The following NADK2 variants were observed in gnomAD, a reference collection of about 807,000 sequenced individuals.
NADK2 encodes the protein NAD kinase domain-containing protein 1, mitochondrial.
A neutral mutation model predicts 62.1 loss-of-function variants in NADK2; 35 were observed. The ratio of observed to expected loss-of-function variants is 0.56; its 90% CI spans 0.43 to 0.75. NADK2 has a LOEUF of 0.75. NADK2 is among the 30% of genes least tolerant of loss of function. The probability of loss-of-function intolerance (pLI) is 0.00; values close to 1 mark genes in which losing one functional copy is unlikely to be tolerated. For synonymous variants in NADK2, 205 were observed against 207.9 expected, an observed-to-expected ratio of 0.99 and a Z score of 0.12; for missense variants, 439 against 561.3, an observed-to-expected ratio of 0.78 and a Z score of 2.20.
chr5:36,203,281 A>G (rs934616773), intron 8 of NADK2, among the ~76,000 whole-genome samples: 1 of 152,124 alleles, frequency 6.6e-6, no homozygotes, highest in Non-Finnish European at 1.5e-5. Context: ...GTGCTCAGAG[A>G]TAGTAGTATG....
intron 2 of NADK2, among the ~76,000 whole-genome samples, chr5:36,227,268 T>C (rs1048338068): frequency 2.6e-5 from 4 of 152,176 alleles, no homozygotes; most frequent in African/African-American, 9.6e-5. Flanking sequence ...GACCAAATAA[T>C]TGAAAACACC....
intron 7 of NADK2, chr5:36,208,795 A>G (rs1329205009): frequency 4.0e-6 from 3 of 741,178 alleles, no homozygotes; most frequent in East Asian, 2.7e-5. Context: ...GCTGCACTTC[A>G]TATTTTCCAA....
chr5:36,227,816 T>C (rs894030911), intron 1 of NADK2, among the ~76,000 whole-genome samples: 14 of 151,924 alleles, frequency 9.2e-5, no homozygotes, highest in African/African-American at 3.4e-4. Flanking sequence ...ATCTTATGTT[T>C]TACAGCTTAA....
At chr5:36,234,209 C>G (rs965718759) in intron 1 of NADK2, among the ~76,000 whole-genome samples, 43 of 151,248 alleles carry the variant, frequency 2.8e-4, no homozygotes, top group Middle Eastern at 6.8e-3. Context: ...CCCGTCTCTA[C>G]TAAAAATACA....
chr5:36,214,722 T>C (rs1026512009), intron 6 of NADK2, among the ~76,000 whole-genome samples: 4 of 152,194 alleles, frequency 2.6e-5, no homozygotes, highest in African/African-American at 9.6e-5. Context: ...TAAGATCTTC[T>C]ATGTTCTCTG....
chr5:36,239,260 C>A (rs1275260637), intron 1 of NADK2, among the ~76,000 whole-genome samples: 1 of 152,152 alleles, frequency 6.6e-6, no homozygotes, highest in East Asian at 1.9e-4. Flanking sequence ...TACAGAATCC[C>A]ATTTTAGGAC....
At chr5:36,221,174 T>C (rs1355728875) in intron 4 of NADK2, 1 of 152,222 alleles carries the variant, frequency 6.6e-6, no homozygotes, top group Non-Finnish European at 1.5e-5. Context: ...CTTTCAAATG[T>C]TGTAATTATT....
Position 36,238,321 on chromosome 5 carries a change from G to A in NADK2, c.300+3178C>T, listed in dbSNP as rs113959755. Among the ~76,000 whole-genome samples, 252 of 152,156 alleles carry A rather than the reference G, an allele frequency of 1.7e-3. 1 individual carries two copies. Among genetic ancestry groups the A allele is most frequent in the African/African-American group, 5.0e-3 (209 of 41,518 alleles). The stretch of plus-strand genomic sequence containing the variant: ...GTCATCTAGTTTAATCCAATAACAC[G>A]GCAGACTGTTAAATGAAATTATTCT... On this transcript the variant is annotated intron_variant, in intron 1 of 11. Coordinates refer to ENST00000381937, the MANE Select transcript of NADK2 (RefSeq NM_001085411.3).
At chr5:36,202,116 T>C (rs929103765) in intron 8 of NADK2, among the ~76,000 whole-genome samples, 3 of 152,064 alleles carry the variant, frequency 2.0e-5, no homozygotes, top group African/African-American at 4.8e-5. Flanking sequence ...GATACTCTTA[T>C]ACCTGCTAAC....
intron 1 of NADK2, among the ~76,000 whole-genome samples, chr5:36,234,823 C>T (rs1747843417): frequency 1.3e-5 from 2 of 152,164 alleles, no homozygotes; most frequent in African/African-American, 2.4e-5. Context: ...AAAAAGATCA[C>T]TGAAAATCTA....
chr5:36,235,043 C>T lies in NADK2; in HGVS notation c.300+6456G>A, dbSNP rs545220141. Among the ~76,000 whole-genome samples, 15 of 152,278 alleles carry T rather than the reference C, an allele frequency of 9.9e-5. No homozygotes were observed. The South Asian group carries it at 2.9e-3, about 29-fold the overall frequency. The stretch of plus-strand genomic sequence containing the variant: ...TAGCAGTTAGCAGGGGCTCAAAAAA[C>T]GGTTTTGTGAACAAATATTTAAAAG... On this transcript the variant is annotated intron_variant, in intron 1 of 11. Transcript: ENST00000381937.
chr5:36,219,555 A>G (rs1426770044), intron 5 of NADK2, 41 bp downstream of exon 5: 1 of 1,533,576 alleles, frequency 6.5e-7, no homozygotes, highest in Admixed American at 1.7e-5. Context: ...GCACATACTT[A>G]TTAAGATACT....
At chr5:36,231,004 C>A (rs1482897576) in intron 1 of NADK2, among the ~76,000 whole-genome samples, 2 of 152,214 alleles carry the variant, frequency 1.3e-5, no homozygotes, top group Non-Finnish European at 2.9e-5. Context: ...CCTCATACTT[C>A]AATTCCCTAT....
chr5:36,205,864 T>C lies in NADK2; in HGVS notation c.956+1306A>G, dbSNP rs1036491451. Among the ~76,000 whole-genome samples, 1 of 152,122 alleles carries C rather than the reference T, an allele frequency of 6.6e-6. No homozygotes were observed. Among genetic ancestry groups the C allele is most frequent in the Non-Finnish European group, 1.5e-5 (1 of 68,040 alleles). ...CACATGTATATTTATTGTGGCACTA[T>C]TCACAATAGCAAAGACTTGGAACCA... On this transcript the variant is annotated intron_variant, in intron 8 of 11. Transcript: ENST00000381937. This position sits in a 1 kb window ranked among gnomAD's most constrained non-coding sequence, Gnocchi z 4.1.
At position 36,193,216 on chromosome 5, in the gene NADK2, T is replaced by G. The variant is rs552961860; in HGVS notation, c.*1928A>C. ...TTTTAAGGCCGGGCATGGTGGCTCA[T>G]GCCTGTAATCCCAATACTGGGAGGC... is the stretch of plus-strand genomic sequence containing the variant. On this transcript the variant is annotated 3_prime_UTR_variant, in exon 12 of 12. Coordinates refer to ENST00000381937, the MANE Select transcript of NADK2 (RefSeq NM_001085411.3). The G allele has an allele frequency of 1.3e-5, 2 of 152,190 alleles. No individual in the cohort carries two copies. Among genetic ancestry groups the G allele is most frequent in the Non-Finnish European group, 2.9e-5 (2 of 68,046 alleles). The allele number at this position is 152,190 out of a possible 1,614,324, so 9.4% of individuals were successfully genotyped here.
intron 4 of NADK2, 57 bp from the exon 5 acceptor site, chr5:36,219,736 CA>C (rs1418021359): frequency 6.7e-6 from 9 of 1,344,060 alleles, no homozygotes; most frequent in South Asian, 1.2e-5. Context: ...AAAGGTGAAG[CA>C]AAAAAATTTA....
At chr5:36,233,928 C>T (rs888193029) in intron 1 of NADK2, among the ~76,000 whole-genome samples, 4 of 152,080 alleles carry the variant, frequency 2.6e-5, no homozygotes, top group African/African-American at 9.7e-5. Flanking sequence ...TTCATATTAG[C>T]AAAAATGTTA....
At position 36,194,667 on chromosome 5, in the gene NADK2, T is replaced by A. The variant is rs1269698656; in HGVS notation, c.*477A>T. 6.6e-6 allele frequency: 1 copy of A among 152,180 alleles called. No individual in the cohort carries two copies. Among genetic ancestry groups the A allele is most frequent in the Non-Finnish European group, 1.5e-5 (1 of 68,162 alleles). The allele number at this position is 152,180 out of a possible 1,614,324, so 9.4% of individuals were successfully genotyped here. ...TTTACCTATGTCAATTAGGTCAATG[T>A]CAGGATTTATCAAAATTCTCTGTCT... On this transcript the variant is annotated 3_prime_UTR_variant, in exon 12 of 12. Transcript: ENST00000381937.
intron 5 of NADK2, 45 bp downstream of exon 5, chr5:36,219,551 A>C: frequency 6.7e-7 from 1 of 1,500,416 alleles, no homozygotes; most frequent in East Asian, 2.3e-5. Flanking sequence ...AATGGCACAT[A>C]CTTATTAAGA....
Sources: allele counts gnomAD v4.1 joint callset (sites outside exome capture counted in the v4.1 genomes callset), GRCh38; gene constraint gnomAD v4.1.1; non-coding constraint Gnocchi (gnomAD v3.1); transcripts MANE v1.5; gene names NCBI Gene and HGNC (gene_info 2026-07-23, HGNC 2026-07-21).